The following DGKB variants were observed in gnomAD, a reference collection of about 807,000 sequenced individuals.
DGKB encodes 90 kDa diacylglycerol kinase.
A neutral mutation model predicts 114.3 loss-of-function variants in DGKB; 67 were observed. The ratio of observed to expected loss-of-function variants is 0.59; its 90% CI spans 0.48 to 0.72. The LOEUF (loss-of-function observed/expected upper bound fraction) is 0.72. Ranked by LOEUF, DGKB falls within the 30% of genes least tolerant of loss-of-function variation. DGKB has a pLI of 0.00. For missense variants in DGKB, 907 were observed against 975.2 expected, an observed-to-expected ratio of 0.93 and a Z score of 0.93; for synonymous variants, 398 against 323.1, an observed-to-expected ratio of 1.23 and a Z score of -2.49.
At chr7:14,859,850 C>T (rs1315013574) in intron 1 of DGKB, among the ~76,000 whole-genome samples, 2 of 152,064 alleles carry the variant, frequency 1.3e-5, no homozygotes, top group African/African-American at 4.8e-5. Context: ...ATGATCCCAT[C>T]TATGTTATAA....
chr7:14,762,992 A>G (rs1835919905), intron 2 of DGKB, among the ~76,000 whole-genome samples: 1 of 152,112 alleles, frequency 6.6e-6, no homozygotes, highest in Non-Finnish European at 1.5e-5. Flanking sequence ...TTTGGATTGA[A>G]GCACAAACTC....
At chr7:14,497,930 C>T (rs1785542614) in intron 20 of DGKB, among the ~76,000 whole-genome samples, 1 of 151,846 alleles carries the variant, frequency 6.6e-6, no homozygotes, top group African/African-American at 2.4e-5. Context: ...AGCTCATTTT[C>T]TAGCACTCAA....
chr7:14,488,900 G>T (rs1345086855), intron 20 of DGKB, among the ~76,000 whole-genome samples: 2 of 149,162 alleles, frequency 1.3e-5, no homozygotes, highest in African/African-American at 4.9e-5. Flanking sequence ...TTATTTTCTA[G>T]AAATCTAAAC....
At chr7:14,714,785 T>A (rs941911934) in intron 6 of DGKB, among the ~76,000 whole-genome samples, 1 of 152,184 alleles carries the variant, frequency 6.6e-6, no homozygotes, top group Non-Finnish European at 1.5e-5. Flanking sequence ...GCAAATAAGT[T>A]GAATGTCTGA....
At chr7:14,848,784 A>C (rs1457398445) in intron 1 of DGKB, among the ~76,000 whole-genome samples, 1 of 152,164 alleles carries the variant, frequency 6.6e-6, no homozygotes, top group East Asian at 1.9e-4. Context: ...TTTCTGTACA[A>C]TGGAGACCCC....
intron 1 of DGKB, among the ~76,000 whole-genome samples, chr7:14,924,657 AT>A (rs936782494): frequency 4.6e-5 from 7 of 151,548 alleles, no homozygotes; most frequent in South Asian, 2.1e-4. Context: ...AAGGTTTCCA[AT>A]TTTTTTTTAT....
At chr7:14,923,766 G>A (rs374082342) in intron 1 of DGKB, among the ~76,000 whole-genome samples, 3 of 151,910 alleles carry the variant, frequency 2.0e-5, no homozygotes, top group East Asian at 1.9e-4. Context: ...CGGCCAAGGC[G>A]GGCGAATCAC....
At position 14,230,139 on chromosome 7, in the gene DGKB, A is replaced by G. The variant is rs200486810; in HGVS notation, c.2123-51988T>C. Among the ~76,000 whole-genome samples the G allele has an allele frequency of 5.3e-5, 8 of 152,114 alleles. No individual in the cohort carries two copies. In the East Asian group the frequency reaches 1.6e-3, roughly 30 times the overall value. On this transcript the variant is annotated intron_variant, in intron 23 of 25. Coordinates refer to ENST00000402815, the MANE Select transcript of DGKB (RefSeq NM_001350709.2). Reference sequence around the variant, plus strand: ...ACTTAACATTTTTAGGGCAAAACAAATATTTAACAAAAGAGTGCCTCAAAA... The same window carrying G: ...ACTTAACATTTTTAGGGCAAAACAAGTATTTAACAAAAGAGTGCCTCAAAA...
chr7:14,694,189 G>T lies in DGKB; in HGVS notation c.597C>A (p.Leu199=). ...AGTCAATTTCTTCCATCATTTCATG[G>T]AGGATCTGGAGTAGAGGAGATAAGG... ...EWDVTELNPI[L]HEMMEEIDYD... is the part of the protein sequence containing the mutation. The change falls in exon 9 of 26, where the codon CTC becomes CTA. Residue 199 remains leucine (L), a synonymous_variant. Transcript: ENST00000402815. The T allele has an allele frequency of 1.3e-6, 2 of 1,566,474 alleles. No homozygotes were observed. The highest frequency in any genetic ancestry group is 1.3e-5 in the African/African-American group (1 of 74,240).
chr7:14,749,794 C>A (rs1251828964), intron 4 of DGKB, among the ~76,000 whole-genome samples: 2 of 152,072 alleles, frequency 1.3e-5, no homozygotes, highest in Middle Eastern at 3.2e-3. Flanking sequence ...TCTTGGAAAC[C>A]TTTGTATATA....
Position 14,768,995 on chromosome 7 carries a change from G to A in DGKB, c.71-11264C>T, listed in dbSNP as rs145250777. On this transcript the variant is annotated intron_variant, in intron 2 of 25. Coordinates refer to ENST00000402815, the MANE Select transcript of DGKB (RefSeq NM_001350709.2). Reference sequence around the variant, plus strand: ...TATTTTAAACGAGATGATTTATGATGTATCTTAGCCGTATTTCAGACATTC... The same window carrying A: ...TATTTTAAACGAGATGATTTATGATATATCTTAGCCGTATTTCAGACATTC... 3.3e-5 allele frequency among the ~76,000 whole-genome samples: 5 copies of A among 151,326 alleles called. No homozygotes were observed. The East Asian group carries it at 9.7e-4, about 29-fold the overall frequency.
At chr7:14,615,107 T>C (rs1283111293) in intron 15 of DGKB, among the ~76,000 whole-genome samples, 1 of 152,032 alleles carries the variant, frequency 6.6e-6, no homozygotes. Context: ...CATAAGCAAA[T>C]AGCAATAATA....
At chr7:14,233,038 A>G (rs2128344653) in intron 23 of DGKB, among the ~76,000 whole-genome samples, 1 of 152,188 alleles carries the variant, frequency 6.6e-6, no homozygotes, top group Non-Finnish European at 1.5e-5. Context: ...ATTCAAGCTT[A>G]TTATTCATGC....
chr7:14,488,443 A>G (rs1206058772), intron 20 of DGKB, among the ~76,000 whole-genome samples: 1 of 152,118 alleles, frequency 6.6e-6, no homozygotes, highest in Non-Finnish European at 1.5e-5. Flanking sequence ...CCTTAAATAC[A>G]AAGTTTCTTC....
chr7:14,592,089 T>G, intron 17 of DGKB, among the ~76,000 whole-genome samples: 1 of 151,704 alleles, frequency 6.6e-6, no homozygotes, highest in East Asian at 1.9e-4. Context: ...ATAAAATAAA[T>G]AAATATATGG....
rs768815866 is a variant in DGKB at position 14,162,591 on chromosome 7, T to TGCTA, written c.2305-13357_2305-13354dup. 2.0e-5 allele frequency among the ~76,000 whole-genome samples: 3 copies of TGCTA among 152,166 alleles called. No individual in the cohort carries two copies. In the East Asian group the frequency reaches 5.8e-4, roughly 29 times the overall value. ...TATGATTATGAGAGATATTACTATC[T>TGCTA]GCTAGCCAAAATGAAATTAATTTTT... is the stretch of plus-strand genomic sequence containing the variant. On this transcript the variant is annotated intron_variant, in intron 25 of 25. Coordinates refer to ENST00000402815, the MANE Select transcript of DGKB (RefSeq NM_001350709.2).
rs551747838 is a variant in DGKB at position 14,431,358 on chromosome 7, T to C, written c.1835+46803A>G. On this transcript the variant is annotated intron_variant, in intron 21 of 25. Transcript: ENST00000402815. Reference sequence around the variant, plus strand: ...AGCAGTAATATTAAAACTTGTAATATTCATTTACAACAGACATTTTTTCTG... The same window carrying C: ...AGCAGTAATATTAAAACTTGTAATACTCATTTACAACAGACATTTTTTCTG... Among the ~76,000 whole-genome samples, 39 of 152,294 alleles carry C rather than the reference T, an allele frequency of 2.6e-4. No homozygotes were observed. In the South Asian group the frequency reaches 7.7e-3, roughly 30 times the overall value.
chr7:14,193,927 CATTA>C (rs1784664483), intron 23 of DGKB, among the ~76,000 whole-genome samples: 1 of 151,808 alleles, frequency 6.6e-6, no homozygotes, highest in Non-Finnish European at 1.5e-5. Flanking sequence ...TACAAATGGC[CATTA>C]GTTATATGAA....
At chr7:14,598,708 G>A (rs999439816) in intron 17 of DGKB, among the ~76,000 whole-genome samples, 1 of 151,876 alleles carries the variant, frequency 6.6e-6, no homozygotes, top group Non-Finnish European at 1.5e-5. Flanking sequence ...AAGTGTTATT[G>A]CAAAATAAAA....
Sources: allele counts gnomAD v4.1 joint callset (sites outside exome capture counted in the v4.1 genomes callset), GRCh38; gene constraint gnomAD v4.1.1; transcripts MANE v1.5; gene names NCBI Gene and HGNC (gene_info 2026-07-23, HGNC 2026-07-21).